Variants in MPHOSPH9 observed in about 807,000 individuals in gnomAD.
The protein encoded by MPHOSPH9 is M-phase phosphoprotein 9.
Under a neutral mutation model 145.5 loss-of-function variants are expected in MPHOSPH9, and 88 were observed. The observed-to-expected ratio is 0.60, with a 90% CI of 0.51 to 0.72. The LOEUF (loss-of-function observed/expected upper bound fraction) is 0.72. MPHOSPH9 is among the 30% of genes least tolerant of loss of function. The pLI, the probability that MPHOSPH9 is intolerant of heterozygous loss-of-function variation, is 0.00. For synonymous variants in MPHOSPH9, 435 were observed against 486.2 expected (o/e 0.89, Z 1.39); for missense variants, 1,238 against 1,386.6 (o/e 0.89, Z 1.70).
intron 8 of MPHOSPH9, among the ~76,000 whole-genome samples, chr12:123,204,661 G>A (rs2046352572): frequency 6.6e-6 from 1 of 152,158 alleles, no homozygotes; most frequent in Non-Finnish European, 1.5e-5. Flanking sequence ...GATCGCCTGA[G>A]GTCGGGAGTT....
At chr12:123,194,919 G>A (rs1267552808) in intron 12 of MPHOSPH9, among the ~76,000 whole-genome samples, 1 of 151,602 alleles carries the variant, frequency 6.6e-6, no homozygotes, top group Admixed American at 6.6e-5. Flanking sequence ...ACCACGCCCA[G>A]CCCAAAATTT....
chr12:123,190,473 G>A (rs1327206307), intron 13 of MPHOSPH9, among the ~76,000 whole-genome samples: 1 of 152,102 alleles, frequency 6.6e-6, no homozygotes, highest in African/African-American at 2.4e-5. Flanking sequence ...TCTTAAAATA[G>A]GTGGTGGATT....
At chr12:123,163,819 C>G in intron 19 of MPHOSPH9, 131 bp downstream of exon 19, 1 of 969,686 alleles carries the variant, frequency 1.0e-6, no homozygotes, top group Non-Finnish European at 1.5e-6. Flanking sequence ...TTTAGGGGTC[C>G]TCTGCTCAGA....
intron 8 of MPHOSPH9, among the ~76,000 whole-genome samples, chr12:123,206,239 A>C (rs1340974102): frequency 6.6e-6 from 1 of 151,098 alleles, no homozygotes; most frequent in African/African-American, 2.4e-5. Flanking sequence ...GCTTGAGTCC[A>C]GGAGTTTGAG....
chr12:123,178,715 G>C (rs1000756623), intron 15 of MPHOSPH9, among the ~76,000 whole-genome samples: 6 of 152,084 alleles, frequency 3.9e-5, no homozygotes, highest in Non-Finnish European at 1.5e-5. Context: ...GTAGAGACAG[G>C]GTTTTGCCAT....
At chr12:123,186,326 C>T in intron 13 of MPHOSPH9, among the ~76,000 whole-genome samples, 1 of 151,032 alleles carries the variant, frequency 6.6e-6, no homozygotes, top group East Asian at 1.9e-4. Context: ...ATCATAGTGT[C>T]TAATTTACTC....
chr12:123,181,989 G>A (rs1351421318), intron 13 of MPHOSPH9, among the ~76,000 whole-genome samples: 1 of 150,678 alleles, frequency 6.6e-6, no homozygotes, highest in Non-Finnish European at 1.5e-5. Context: ...GAGTCGCTCT[G>A]TCGCCAGGCT....
chr12:123,193,188 G>A (rs2045789990), intron 13 of MPHOSPH9, among the ~76,000 whole-genome samples: 1 of 148,406 alleles, frequency 6.7e-6, no homozygotes, highest in South Asian at 2.1e-4. Flanking sequence ...TGTCTGTGTT[G>A]CAGCAAATGG....
rs1453710962 is a variant in MPHOSPH9, at chr12:123,218,485, G to T, written c.887C>A (p.Ser296Ter). ...GTTCTGCTTCAGTTTTTGTGCCCAT[G>T]ATGTTATAGCATTACTATTTAAGAA... Reference protein sequence around the residue: ...SGKTNSNAITSWAQKLKQNQP... With the variant: ...SGKTNSNAIT The change falls in exon 6 of 24, where the codon TCA becomes TAA. Residue 296 changes from serine to a stop codon, truncating the protein, a stop_gained. Transcript: ENST00000606320. LOFTEE classifies it high-confidence loss of function. The T allele has an allele frequency of 6.2e-7, 1 of 1,613,368 alleles. No individual in the cohort carries two copies.
intron 7 of MPHOSPH9, among the ~76,000 whole-genome samples, chr12:123,210,975 TTC>T (rs1459914481): frequency 2.8e-5 from 4 of 142,606 alleles, no homozygotes; most frequent in Non-Finnish European, 4.5e-5. Flanking sequence ...GGTTTGTTTT[TTC>T]TTTTTTTTTT....
intron 13 of MPHOSPH9, among the ~76,000 whole-genome samples, chr12:123,192,330 T>G (rs1333896541): frequency 1.3e-5 from 2 of 151,626 alleles, no homozygotes; most frequent in Non-Finnish European, 2.9e-5. Context: ...GGCGTGCACC[T>G]GTAATCCCAG....
intron 10 of MPHOSPH9, 63 bp downstream of exon 10, chr12:123,202,561 C>A: frequency 6.9e-7 from 1 of 1,449,730 alleles, no homozygotes; most frequent in South Asian, 1.3e-5. Flanking sequence ...CAATAAAGAT[C>A]ATTTTCAATC....
chr12:123,187,638 G>T (rs2045504615), intron 13 of MPHOSPH9, among the ~76,000 whole-genome samples: 1 of 152,156 alleles, frequency 6.6e-6, no homozygotes, highest in South Asian at 2.1e-4. Context: ...TACATGATGT[G>T]GTTCCAATTC....
chr12:123,235,531 ATTTT>A (rs538804885), upstream of MPHOSPH9, among the ~76,000 whole-genome samples: 21 of 141,314 alleles, frequency 1.5e-4, no homozygotes, highest in Admixed American at 7.1e-4. Flanking sequence ...GGCCCAGCTA[ATTTT>A]TTTTTTTTTT....
chr12:123,163,707 T>C, intron 19 of MPHOSPH9: 1 of 397,328 alleles, frequency 2.5e-6, no homozygotes, highest in African/African-American at 2.0e-5. Context: ...TGTAAACAAT[T>C]TACTGGACAC....
In MPHOSPH9 at chr12:123,210,095, C is replaced by T. The variant is rs150971924; in HGVS notation, c.1155G>A (p.Thr385=). 3.8e-5 allele frequency: 62 copies of T among 1,611,452 alleles called. No homozygotes were observed. The African/African-American group carries it at 4.5e-4, about 12-fold the overall frequency. Residue 385 remains threonine (T), a synonymous_variant, in exon 8 of 24, where the codon ACG becomes ACA. Transcript: ENST00000606320. Reference sequence around the variant, plus strand: ...CATCTGTGGAAGACAATGATATGAACGTCTTCTCTAAAGTTTCAGGCAAAG... The same window carrying T: ...CATCTGTGGAAGACAATGATATGAATGTCTTCTCTAAAGTTTCAGGCAAAG... ...HHSLPETLEK[T]FISLSSTDVS...
chr12:123,241,085 T>A (rs2047927800), intron 1 of MPHOSPH9, among the ~76,000 whole-genome samples: 4 of 151,676 alleles, frequency 2.6e-5, no homozygotes, highest in Admixed American at 2.6e-4. Context: ...CTCTCCAAAG[T>A]GAGAGCTGTT....
rs766403530 is a variant in MPHOSPH9 at position 123,198,291 on chromosome 12, C to T, written c.1981G>A (p.Val661Met). Residue 661 changes from valine to methionine, a missense_variant, in exon 12 of 24, where the codon GTG (valine) becomes ATG (methionine). Val to Met is a conservative substitution (Grantham distance 21). This residue lies in a region of MPHOSPH9 where 837 missense variants were observed against 897.5 expected (regional missense o/e 0.93). Coordinates refer to ENST00000606320, the MANE Select transcript of MPHOSPH9 (RefSeq NM_022782.4). ...DSALHEATSR[V>M]RTLENKNNLL... ...TTATTCTTATTTTCAAGTGTTCTCA[C>T]GCGACTAGTAGCTTCATGCAAAGCA... The T allele has an allele frequency of 5.3e-5, 86 of 1,612,094 alleles. No individual in the cohort carries two copies. Among genetic ancestry groups the T allele is most frequent in the Middle Eastern group, 1.6e-4 (1 of 6,084 alleles).
intron 8 of MPHOSPH9, among the ~76,000 whole-genome samples, chr12:123,207,573 G>C (rs1310705477): frequency 6.6e-6 from 1 of 152,108 alleles, no homozygotes; most frequent in Non-Finnish European, 1.5e-5. Context: ...AGAAATGAAG[G>C]CCGGGTGCAC....
Sources: gnomAD v4.1 joint callset for allele counts (sites outside exome capture counted in the v4.1 genomes callset) on GRCh38, gnomAD v4.1.1 for gene constraint, gnomAD v4.1.1 regional missense constraint, MANE v1.5 for transcripts, NCBI Gene and HGNC (gene_info 2026-07-23, HGNC 2026-07-21) for gene names.